The following GREB1 variants were observed in gnomAD, a reference collection of about 807,000 sequenced individuals.
GREB1 encodes protein GREB1.
GREB1 carries 106 observed loss-of-function variants against 200.7 expected under a neutral mutation model. That is an observed-to-expected ratio of 0.53 (90% CI 0.45 to 0.62). The LOEUF (loss-of-function observed/expected upper bound fraction) is 0.62. Among genes scored for constraint, GREB1 ranks in the 20% least tolerant of loss-of-function variants. The pLI is 0.00. For missense variants in GREB1, 2,243 were observed against 2,556.8 expected (o/e 0.88, Z 2.65); for synonymous variants, 1,132 against 1,092.4 (o/e 1.04, Z -0.72).
In GREB1 at chr2:11,566,727, C is replaced by T. The variant is rs879078332; in HGVS notation, c.454+71C>T. The T allele has an allele frequency of 9.8e-5, 136 of 1,390,846 alleles. No individual in the cohort carries two copies. The South Asian group carries it at 1.8e-3, about 18-fold the overall frequency. The allele number at this position is 1,390,846 out of a possible 1,614,324, so 86.2% of individuals were successfully genotyped here. A position where few individuals can be genotyped will look rare whatever the true frequency, so the allele number is the denominator to read the frequency against. On this transcript the variant is annotated intron_variant, in intron 4 of 32. Coordinates refer to ENST00000381486, the MANE Select transcript of GREB1 (RefSeq NM_014668.4). Reference sequence around the variant, plus strand: ...AGAGCAGGGTCAAGGGAGGTCACGGCGGGGGGTGGTGGCAACAGAGGGACC... The same window carrying T: ...AGAGCAGGGTCAAGGGAGGTCACGGTGGGGGGTGGTGGCAACAGAGGGACC...
chr2:11,572,318 G>A (rs1012564364), intron 4 of GREB1, among the ~76,000 whole-genome samples: 14 of 152,316 alleles, frequency 9.2e-5, no homozygotes, highest in African/African-American at 3.1e-4. Flanking sequence ...TAGAAGAAAG[G>A]TCAGGTGCAG....
intron 1 of GREB1, among the ~76,000 whole-genome samples, chr2:11,488,393 C>T (rs150176360): frequency 2.1e-3 from 327 of 152,250 alleles, no homozygotes; most frequent in Middle Eastern, 0.02. Flanking sequence ...GTCAACCGAA[C>T]GTTAGACTTC....
At chr2:11,500,524 G>T (rs553415292) in intron 1 of GREB1, among the ~76,000 whole-genome samples, 2 of 150,554 alleles carry the variant, frequency 1.3e-5, no homozygotes, top group African/African-American at 4.9e-5. Context: ...GGCTGGTCTC[G>T]AACTCCTGAC....
In GREB1 at chr2:11,618,166, GTGA is replaced by G. The variant is rs1558643600; in HGVS notation, c.3413-121_3413-119del. On this transcript the variant is annotated intron_variant, in intron 21 of 32. Coordinates refer to ENST00000381486, the MANE Select transcript of GREB1 (RefSeq NM_014668.4). Reference sequence around the variant, plus strand: ...CTGGGACAGGTCACTCCTGGGATGGGTGACTCCTGGGACAGGTCACTCCTGGGA... The same window carrying G: ...CTGGGACAGGTCACTCCTGGGATGGGCTCCTGGGACAGGTCACTCCTGGGA... 187 of 858,634 alleles carry G rather than the reference GTGA, an allele frequency of 2.2e-4. 5 individuals carry two copies. The East Asian group carries it at 2.3e-3, about 11-fold the overall frequency. 53.2% of individuals were successfully genotyped at this position (858,634 alleles called of 1,614,324 possible).
intron 1 of GREB1, among the ~76,000 whole-genome samples, chr2:11,514,779 C>T (rs1375379479): frequency 1.3e-5 from 2 of 152,212 alleles, no homozygotes; most frequent in Non-Finnish European, 2.9e-5. Flanking sequence ...CATGTATTGG[C>T]TTAGGAATAT....
intron 17 of GREB1, among the ~76,000 whole-genome samples, chr2:11,608,720 C>T (rs1682638631): frequency 6.6e-6 from 1 of 152,218 alleles, no homozygotes; most frequent in Admixed American, 6.5e-5. Flanking sequence ...GAAACAGGAA[C>T]TATTCCCAGC....
Position 11,585,766 on chromosome 2 carries a change from C to T in GREB1, c.1020C>T (p.Ser340=), listed in dbSNP as rs756358442. The T allele has an allele frequency of 3.8e-5, 61 of 1,612,808 alleles. No homozygotes were observed. The East Asian group carries it at 5.6e-4, about 15-fold the overall frequency. The change falls in exon 9 of 33, where the codon AGC becomes AGT. Residue 340 remains serine (S), a synonymous_variant. Coordinates refer to ENST00000381486, the MANE Select transcript of GREB1 (RefSeq NM_014668.4). ...AATATTCTTGGGTGTTCCTAGAGAG[C>T]GCAGGCATGTCCTGCGTGCCGCAGG... is the stretch of plus-strand genomic sequence containing the variant. ...QGGGNRAKYE[S]AGMSCVPQVG...
intron 19 of GREB1, 125 bp downstream of exon 19, chr2:11,612,735 C>T (rs540473031): frequency 4.4e-4 from 270 of 617,174 alleles, no homozygotes; most frequent in East Asian, 3.1e-3. Flanking sequence ...TCACAGGCCC[C>T]GTGGGTGGGG....
At chr2:11,579,824 C>A (rs1217693576) in intron 6 of GREB1, among the ~76,000 whole-genome samples, 2 of 152,212 alleles carry the variant, frequency 1.3e-5, no homozygotes, top group African/African-American at 4.8e-5. Context: ...ACCCTTAGAC[C>A]TGGGGAGTCC....
At chr2:11,568,544 C>T (rs1360468506) in intron 4 of GREB1, among the ~76,000 whole-genome samples, 1 of 152,286 alleles carries the variant, frequency 6.6e-6, no homozygotes, top group Non-Finnish European at 1.5e-5. Context: ...CAATGACAGA[C>T]TGAACGCTTA....
At position 11,640,454 on chromosome 2, in the gene GREB1, A is replaced by G; in HGVS notation, c.5850A>G (p.Ter1950TrpextTer8). 1 of 1,613,670 alleles carries G rather than the reference A, an allele frequency of 6.2e-7. No homozygotes were observed. Among genetic ancestry groups the G allele is most frequent in the East Asian group, 2.2e-5 (1 of 44,854 alleles). Residue 1950 changes from the stop codon to tryptophan (W), a stop_lost, in exon 33 of 33, where the codon TGA becomes TGG. Transcript: ENST00000381486. The surrounding 1 kb of genome is among the most constrained non-coding windows in gnomAD (Gnocchi z 4.6). ...TTTTTCTGACGGGACGACACATCTG[A>G]GGAAGACAGCGGCGAGTTTTCTGAA... Reference protein sequence around the residue: ...PLFFLTGRHI* With the variant: ...PLFFLTGRHIW
chr2:11,516,367 C>T (rs746248321), intron 1 of GREB1, among the ~76,000 whole-genome samples: 1 of 150,356 alleles, frequency 6.7e-6, no homozygotes, highest in Non-Finnish European at 1.5e-5. Flanking sequence ...CTGTTCTCTT[C>T]TATCTTGCCC....
At chr2:11,617,230 C>A (rs936595795) in intron 21 of GREB1, among the ~76,000 whole-genome samples, 1 of 152,338 alleles carries the variant, frequency 6.6e-6, no homozygotes, top group African/African-American at 2.4e-5. Flanking sequence ...ACGGTCTCTG[C>A]CCTAAGGGGT....
At chr2:11,628,795 G>A (rs1172361453) in intron 25 of GREB1, among the ~76,000 whole-genome samples, 1 of 152,180 alleles carries the variant, frequency 6.6e-6, no homozygotes, top group Non-Finnish European at 1.5e-5. Flanking sequence ...AGAGTGCAGA[G>A]GAGGAGGAGA....
rs1044784863 is a variant in GREB1, at chr2:11,633,694, A to G, written c.4992-437A>G. ...ACAGAACTTTTCCCAAGCTAAGCAC[A>G]TTCATTTAACCTACTCCGATATTAA... On this transcript the variant is annotated intron_variant, in intron 28 of 32. Transcript: ENST00000381486. This position sits in a 1 kb window ranked among gnomAD's most constrained non-coding sequence, Gnocchi z 4.1. Among the ~76,000 whole-genome samples, 3 of 152,216 alleles carry G rather than the reference A, an allele frequency of 2.0e-5. No individual in the cohort carries two copies. The highest frequency in any genetic ancestry group is 4.4e-5 in the Non-Finnish European group (3 of 68,036).
intron 1 of GREB1, among the ~76,000 whole-genome samples, chr2:11,502,191 G>A (rs6432209): frequency 0.98 from 146,769 of 149,626 alleles, 72,015 homozygotes; most frequent in South Asian, 1. Flanking sequence ...TTCTGGGATC[G>A]CAGGCATGAA....
At chr2:11,586,379 T>C (rs971956021) in intron 9 of GREB1, among the ~76,000 whole-genome samples, 4 of 152,240 alleles carry the variant, frequency 2.6e-5, no homozygotes, top group South Asian at 2.1e-4. Context: ...ATAGCCGTGG[T>C]CACCACTGTA....
At chr2:11,606,387 G>T (rs1682295072) in intron 17 of GREB1, among the ~76,000 whole-genome samples, 1 of 152,182 alleles carries the variant, frequency 6.6e-6, no homozygotes, top group Non-Finnish European at 1.5e-5. Flanking sequence ...GGTATGAGGT[G>T]GTAGCTCGTA....
chr2:11,573,639 C>G (rs1321396103), intron 4 of GREB1, among the ~76,000 whole-genome samples: 1 of 152,182 alleles, frequency 6.6e-6, no homozygotes, highest in Non-Finnish European at 1.5e-5. Flanking sequence ...GGCTATCTCT[C>G]CAAGACACCT....
Sources: allele counts gnomAD v4.1 joint callset (sites outside exome capture counted in the v4.1 genomes callset), GRCh38; gene constraint gnomAD v4.1.1; non-coding constraint Gnocchi (gnomAD v3.1); transcripts MANE v1.5; gene names NCBI Gene and HGNC (gene_info 2026-07-23, HGNC 2026-07-21).